PEPD: variants seen among roughly 807,000 people sequenced by gnomAD.
PEPD encodes peptidase D, also known as xaa-Pro dipeptidase.
Under a neutral mutation model 60.7 loss-of-function variants are expected in PEPD, and 53 were observed. The ratio of observed to expected loss-of-function variants is 0.87; its 90% CI spans 0.70 to 1.10. PEPD has a LOEUF of 1.10. Ranked by LOEUF, PEPD falls within the 50% of genes least tolerant of loss-of-function variation. The pLI, the probability that PEPD is intolerant of heterozygous loss-of-function variation, is 0.00. For synonymous variants in PEPD, 267 were observed against 284.1 expected, an observed-to-expected ratio of 0.94 and a Z score of 0.60; for missense variants, 711 against 711.9, an observed-to-expected ratio of 1.00 and a Z score of 0.01.
chr19:33,500,831 G>C, intron 4 of PEPD, 107 bp downstream of exon 4: 1 of 781,116 alleles, frequency 1.3e-6, no homozygotes, highest in South Asian at 1.3e-5. Context: ...CCAGGTGGTA[G>C]TGTCCCTGAC....
At chr19:33,395,450 G>C (rs1293764052) in intron 12 of PEPD, among the ~76,000 whole-genome samples, 1 of 152,134 alleles carries the variant, frequency 6.6e-6, no homozygotes, top group African/African-American at 2.4e-5. Context: ...CCCTAGAACG[G>C]GCAGGGTGGC....
At chr19:33,416,619 G>C (rs1968896949) in intron 9 of PEPD, among the ~76,000 whole-genome samples, 1 of 152,210 alleles carries the variant, frequency 6.6e-6, no homozygotes, top group Non-Finnish European at 1.5e-5. Flanking sequence ...AGCAGGGAGG[G>C]GCTTCCTGAT....
In PEPD at chr19:33,435,170, C is replaced by T. The variant is rs1415971122; in HGVS notation, c.672-21527G>A. On this transcript the variant is annotated intron_variant, in intron 9 of 14. Coordinates refer to ENST00000244137, the MANE Select transcript of PEPD (RefSeq NM_000285.4). Reference sequence around the variant, plus strand: ...AGAGGAGAGCAAAGGCCTGGCCACCCGCGGCTGCCCGAAAGCCACCAGGAT... The same window carrying T: ...AGAGGAGAGCAAAGGCCTGGCCACCTGCGGCTGCCCGAAAGCCACCAGGAT... Among the ~76,000 whole-genome samples the T allele has an allele frequency of 3.3e-5, 5 of 152,170 alleles. No homozygotes were observed. The East Asian group carries it at 7.7e-4, about 24-fold the overall frequency.
Position 33,490,047 on chromosome 19 carries a change from T to C in PEPD, c.452A>G (p.Asn151Ser), listed in dbSNP as rs368559424. The part of the protein sequence containing the change: ...PSVLLTLRGV[N>S]TDSGSVCREA... ...CCTGCAGACACTGCCGCTGTCCGTG[T>C]TGACGCCACGCTGGGGAGAGAGAAC... Residue 151 changes from asparagine to serine, a missense_variant, in exon 6 of 15, where the codon AAC becomes AGC. Physicochemically the swap from Asn to Ser is conservative, Grantham distance 46. Coordinates refer to ENST00000244137, the MANE Select transcript of PEPD (RefSeq NM_000285.4). 7 of 1,612,188 alleles carry C rather than the reference T, an allele frequency of 4.3e-6. No individual in the cohort carries two copies. Among genetic ancestry groups the C allele is most frequent in the African/African-American group, 4.0e-5 (3 of 74,882 alleles).
chr19:33,405,838 C>G (rs138414466), intron 11 of PEPD, among the ~76,000 whole-genome samples: 2 of 152,232 alleles, frequency 1.3e-5, no homozygotes, highest in Non-Finnish European at 2.9e-5. Flanking sequence ...TCCAGGGCCT[C>G]GGCAGACAGG....
intron 1 of PEPD, among the ~76,000 whole-genome samples, chr19:33,521,395 G>A (rs957867368): frequency 1.3e-5 from 2 of 152,228 alleles, no homozygotes; most frequent in South Asian, 2.1e-4. Context: ...TCCGGGAAGC[G>A]CCCGGGTCCC....
chr19:33,517,377 G>C (rs1014186885), intron 1 of PEPD, among the ~76,000 whole-genome samples: 7 of 151,140 alleles, frequency 4.6e-5, no homozygotes, highest in Non-Finnish European at 1.0e-4. Flanking sequence ...TGGCCAACAT[G>C]GTGAGCCCCT....
At chr19:33,457,888 CAAG>C (rs986117183) in intron 9 of PEPD, among the ~76,000 whole-genome samples, 38 of 150,890 alleles carry the variant, frequency 2.5e-4, no homozygotes, top group African/African-American at 9.3e-4. Context: ...TCCTGTTTAA[CAAG>C]AATGCAGCAA....
intron 3 of PEPD, among the ~76,000 whole-genome samples, chr19:33,509,724 C>A (rs1362881808): frequency 2.0e-5 from 3 of 152,212 alleles, no homozygotes; most frequent in African/African-American, 4.8e-5. Context: ...ACTCTCCAGG[C>A]GGAGATGACA....
chr19:33,477,863 A>G (rs1970247291), intron 7 of PEPD, among the ~76,000 whole-genome samples, 183 bp downstream of exon 7: 1 of 152,186 alleles, frequency 6.6e-6, no homozygotes. Context: ...CGTCCTTTCA[A>G]AAAAAGTACG....
At chr19:33,456,879 G>A (rs1969811620) in intron 9 of PEPD, among the ~76,000 whole-genome samples, 1 of 151,880 alleles carries the variant, frequency 6.6e-6, no homozygotes, top group African/African-American at 2.4e-5. Context: ...CTGGATGATG[G>A]AGACTGCATC....
intron 9 of PEPD, among the ~76,000 whole-genome samples, chr19:33,439,533 TC>T (rs1349863047): frequency 1.3e-5 from 2 of 152,198 alleles, no homozygotes; most frequent in African/African-American, 4.8e-5. Context: ...TCATTGAGCC[TC>T]CCCAGCTGCT....
intron 13 of PEPD, among the ~76,000 whole-genome samples, chr19:33,389,325 G>A (rs1968158119): frequency 6.6e-6 from 1 of 152,214 alleles, no homozygotes; most frequent in Non-Finnish European, 1.5e-5. Context: ...TGAGGCCGGA[G>A]GGCAGGGATG....
At chr19:33,507,205 G>C (rs1331660510) in intron 3 of PEPD, among the ~76,000 whole-genome samples, 3 of 152,114 alleles carry the variant, frequency 2.0e-5, no homozygotes, top group Non-Finnish European at 4.4e-5. Flanking sequence ...GTTCCAGGAG[G>C]GTCCCCCGAC....
intron 9 of PEPD, among the ~76,000 whole-genome samples, chr19:33,425,336 G>C (rs1337625243): frequency 2.8e-5 from 4 of 143,252 alleles, no homozygotes; most frequent in African/African-American, 5.2e-5. Context: ...AGGCTTGCCA[G>C]AGTGGCAGAT....
chr19:33,507,721 C>T (rs1403929945), intron 3 of PEPD, among the ~76,000 whole-genome samples: 3 of 152,162 alleles, frequency 2.0e-5, no homozygotes, highest in East Asian at 1.9e-4. Flanking sequence ...ATTCCAGGAG[C>T]GGCTGGAAGC....
chr19:33,401,000 T>C (rs559514031), intron 12 of PEPD, among the ~76,000 whole-genome samples: 63 of 152,236 alleles, frequency 4.1e-4, no homozygotes, highest in African/African-American at 1.5e-3. Flanking sequence ...CCAGGGGACC[T>C]CCTCTGCCTG....
intron 9 of PEPD, among the ~76,000 whole-genome samples, chr19:33,429,652 CA>C (rs2145393862): frequency 6.6e-6 from 1 of 152,248 alleles, no homozygotes; most frequent in African/African-American, 2.4e-5. Flanking sequence ...GTAGAAAAAG[CA>C]ATTTCGCAAA....
At chr19:33,435,679 G>A (rs1969362136) in intron 9 of PEPD, among the ~76,000 whole-genome samples, 1 of 152,240 alleles carries the variant, frequency 6.6e-6, no homozygotes, top group Non-Finnish European at 1.5e-5. Flanking sequence ...GTTGTCCTCT[G>A]GGCACTGTGT....
Sources: gnomAD v4.1 joint callset for allele counts (sites outside exome capture counted in the v4.1 genomes callset) on GRCh38, gnomAD v4.1.1 for gene constraint, MANE v1.5 for transcripts, NCBI Gene and HGNC (gene_info 2026-07-23, HGNC 2026-07-21) for gene names.